The following COL24A1 variants were observed in gnomAD, a reference collection of about 807,000 sequenced individuals.
COL24A1 encodes the protein collagen type XXIV alpha 1 chain.
COL24A1 carries 224 observed loss-of-function variants against 253.9 expected under a neutral mutation model. That is an observed-to-expected ratio of 0.88 (90% CI 0.79 to 0.99). The LOEUF (loss-of-function observed/expected upper bound fraction) is 0.99. Ranked by LOEUF, COL24A1 falls within the 50% of genes least tolerant of loss-of-function variation. The pLI is 0.00. For synonymous variants in COL24A1, 685 were observed against 673.7 expected, an observed-to-expected ratio of 1.02 and a Z score of -0.26; for missense variants, 2,131 against 2,068.5, an observed-to-expected ratio of 1.03 and a Z score of -0.59.
At chr1:86,156,074 G>A in intron 1 of COL24A1, 1 of 363,638 alleles carries the variant, frequency 2.7e-6, no homozygotes, top group Non-Finnish European at 4.9e-6. Context: ...CTGGACCTCG[G>A]GACTCGCGCC....
At chr1:86,133,655 T>A (rs1409673140) in intron 2 of COL24A1, among the ~76,000 whole-genome samples, 1 of 152,222 alleles carries the variant, frequency 6.6e-6, no homozygotes, top group Non-Finnish European at 1.5e-5. Flanking sequence ...ATTACGTTTA[T>A]TGATTTGTGT....
chr1:86,023,654 T>C (rs2101375935), intron 14 of COL24A1, among the ~76,000 whole-genome samples: 1 of 152,266 alleles, frequency 6.6e-6, no homozygotes, highest in Non-Finnish European at 1.5e-5. Context: ...ATCAAGGTTC[T>C]CAATTTAATG....
chr1:86,097,548 CT>C (rs1704076365), intron 5 of COL24A1, among the ~76,000 whole-genome samples: 2 of 6,002 alleles, frequency 3.3e-4, no homozygotes, highest in Non-Finnish European at 9.6e-4. Context: ...TCCCTCCTCC[CT>C]CCTCCTCCCT....
At chr1:86,097,616 CCTT>C (rs1212662041) in intron 5 of COL24A1, among the ~76,000 whole-genome samples, 10 of 123,652 alleles carry the variant, frequency 8.1e-5, no homozygotes, top group African/African-American at 2.1e-4. Context: ...TTCTCCTCCT[CCTT>C]CTTCTTTTTC....
Position 86,059,233 on chromosome 1 carries a change from T to C in COL24A1, c.1753-59A>G, listed in dbSNP as rs1046847970. 24 of 1,220,416 alleles carry C rather than the reference T, an allele frequency of 2.0e-5. No homozygotes were observed. In the Middle Eastern group the frequency reaches 1.2e-3, roughly 59 times the overall value. 75.6% of individuals were successfully genotyped at this position (1,220,416 alleles called of 1,614,324 possible). ...AGCCAAAGGAAACAAATTTGGTATA[T>C]TTACAATACACAAGCTTGGAAATAA... On this transcript the variant is annotated intron_variant, in intron 8 of 59. Coordinates refer to ENST00000370571, the MANE Select transcript of COL24A1 (RefSeq NM_152890.7).
chr1:85,804,894 T>G (rs963003752), intron 47 of COL24A1, among the ~76,000 whole-genome samples: 61 of 152,172 alleles, frequency 4.0e-4, no homozygotes, highest in African/African-American at 1.4e-3. Context: ...TCACCCAGTC[T>G]GGAGTGCAGT....
chr1:85,812,115 T>C (rs1672611526), intron 47 of COL24A1, among the ~76,000 whole-genome samples: 2 of 152,228 alleles, frequency 1.3e-5, no homozygotes, highest in Non-Finnish European at 2.9e-5. Context: ...GTTCTCTGTT[T>C]TGCCCATTAT....
chr1:86,050,599 C>G (rs918656920), intron 10 of COL24A1, among the ~76,000 whole-genome samples: 1 of 152,056 alleles, frequency 6.6e-6, no homozygotes, highest in African/African-American at 2.4e-5. Context: ...AGGAGATTAC[C>G]ACTTGAGATA....
chr1:86,125,936 C>T lies in COL24A1; in HGVS notation c.400G>A (p.Gly134Arg). Residue 134 changes from glycine (G) to arginine (R), a missense_variant, in exon 3 of 60, where the codon GGA becomes AGA. Gly to Arg is a moderately radical substitution (Grantham distance 125). Coordinates refer to ENST00000370571, the MANE Select transcript of COL24A1 (RefSeq NM_152890.7). ...AATTTTTTAGGTAGTAATTGTACTCCTAATTGCAGTCTATTTTTATTTCTA... is the reference window on the plus strand; with the variant it reads ...AATTTTTTAGGTAGTAATTGTACTCTTAATTGCAGTCTATTTTTATTTCTA... ...SIRNKNRLQL[G>R]VQLLPKKLVV... is the part of the protein sequence containing the mutation. 9 of 1,613,358 alleles carry T rather than the reference C, an allele frequency of 5.6e-6. No individual in the cohort carries two copies. The highest frequency in any genetic ancestry group is 7.6e-6 in the Non-Finnish European group (9 of 1,179,742).
At chr1:86,022,378 A>G in intron 17 of COL24A1, 85 bp from the exon 18 acceptor site, 2 of 1,439,020 alleles carry the variant, frequency 1.4e-6, no homozygotes, top group Admixed American at 3.5e-5. Context: ...AAAAAATTTC[A>G]TAAAGTATGC....
chr1:85,891,035 T>C (rs992135519), intron 31 of COL24A1, among the ~76,000 whole-genome samples: 2 of 151,990 alleles, frequency 1.3e-5, no homozygotes, highest in Non-Finnish European at 2.9e-5. Flanking sequence ...GTTGATCCTT[T>C]TGTAAATTGC....
intron 11 of COL24A1, among the ~76,000 whole-genome samples, chr1:86,049,456 T>C (rs548570089): frequency 6.6e-6 from 1 of 152,294 alleles, no homozygotes; most frequent in South Asian, 2.1e-4. Context: ...GCTGAATGAC[T>C]CTCTAATTTC....
chr1:86,030,778 G>A (rs1360293471), intron 14 of COL24A1, among the ~76,000 whole-genome samples: 1 of 142,760 alleles, frequency 7.0e-6, no homozygotes, highest in Non-Finnish European at 1.5e-5. Flanking sequence ...TGTTGTTGTT[G>A]TAGCATTGGG....
chr1:85,888,298 A>G (rs930245964), intron 32 of COL24A1, among the ~76,000 whole-genome samples: 12 of 152,128 alleles, frequency 7.9e-5, no homozygotes, highest in Non-Finnish European at 1.6e-4. Flanking sequence ...AATAAACTAA[A>G]TAATCTGATA....
Position 85,933,011 on chromosome 1 carries a change from G to A in COL24A1, c.2563-21578C>T, listed in dbSNP as rs1478389031. Reference sequence around the variant, plus strand: ...TAGATGACACATTAGTGGGTGCAGCGCACCAGCATGGCACATGTATACATA... The same window carrying A: ...TAGATGACACATTAGTGGGTGCAGCACACCAGCATGGCACATGTATACATA... On this transcript the variant is annotated intron_variant, in intron 24 of 59. Coordinates refer to ENST00000370571, the MANE Select transcript of COL24A1 (RefSeq NM_152890.7). Among the ~76,000 whole-genome samples, 355 of 131,490 alleles carry A rather than the reference G, an allele frequency of 2.7e-3. 1 individual carries two copies. The highest frequency in any genetic ancestry group is 3.1e-3 in the South Asian group (11 of 3,588). The allele number at this position is 131,490 out of a possible 152,430, so 86.3% of individuals were successfully genotyped here.
At chr1:86,038,502 T>A (rs946233995) in intron 12 of COL24A1, among the ~76,000 whole-genome samples, 12 of 151,866 alleles carry the variant, frequency 7.9e-5, no homozygotes, top group Admixed American at 4.6e-4. Flanking sequence ...CTCTGAAGCC[T>A]AAACATTATT....
At chr1:85,901,105 C>T (rs907773448) in intron 28 of COL24A1, among the ~76,000 whole-genome samples, 3 of 152,128 alleles carry the variant, frequency 2.0e-5, no homozygotes, top group Non-Finnish European at 4.4e-5. Flanking sequence ...AAACAATCAA[C>T]AGTGTGAAGA....
intron 52 of COL24A1, among the ~76,000 whole-genome samples, chr1:85,780,155 A>G (rs866040281): frequency 1.3e-5 from 2 of 152,150 alleles, no homozygotes; most frequent in African/African-American, 4.8e-5. Flanking sequence ...TTGAAAGTCT[A>G]CAGAAATACT....
At chr1:86,102,604 ACTT>A (rs1476221109) in intron 5 of COL24A1, among the ~76,000 whole-genome samples, 1 of 152,164 alleles carries the variant, frequency 6.6e-6, no homozygotes, top group African/African-American at 2.4e-5. Flanking sequence ...GTTTCAAAGA[ACTT>A]CTTCACTCCT....
Sources: allele counts gnomAD v4.1 joint callset (sites outside exome capture counted in the v4.1 genomes callset), GRCh38; gene constraint gnomAD v4.1.1; transcripts MANE v1.5; gene names NCBI Gene and HGNC (gene_info 2026-07-23, HGNC 2026-07-21).